The following CFAP221 variants were observed in gnomAD, a reference collection of about 807,000 sequenced individuals.
CFAP221 encodes the protein cilia and flagella associated protein 221, also known as cilia- and flagella-associated protein 221.
Under a neutral mutation model 113.1 loss-of-function variants are expected in CFAP221, and 97 were observed. The observed-to-expected ratio is 0.86, with a 90% CI of 0.73 to 1.02. The LOEUF (loss-of-function observed/expected upper bound fraction) is 1.02. CFAP221 is among the 50% of genes least tolerant of loss of function. The pLI, the probability that CFAP221 is intolerant of heterozygous loss-of-function variation, is 0.00. For synonymous variants in CFAP221, 331 were observed against 354.4 expected, an observed-to-expected ratio of 0.93 and a Z score of 0.74; for missense variants, 1,025 against 1,013.4, an observed-to-expected ratio of 1.01 and a Z score of -0.16.
In CFAP221 at chr2:119,605,243, A is replaced by G; in HGVS notation, c.1087A>G (p.Lys363Glu). The change falls in exon 11 of 24, where the codon AAA becomes GAA. Residue 363 changes from lysine (K) to glutamate (E), a missense_variant. Coordinates refer to ENST00000413369, the MANE Select transcript of CFAP221 (RefSeq NM_001271049.2). ...GATGAAGGAGGCACTCTTTGAACAGAAAGTCAGACAGGACATTCACGAAGA... is the reference window on the plus strand; with the variant it reads ...GATGAAGGAGGCACTCTTTGAACAGGAAGTCAGACAGGACATTCACGAAGA... ...RQMKEALFEQ[K>E]VRQDIHEEME... The G allele has an allele frequency of 6.2e-7, 1 of 1,614,236 alleles. No homozygotes were observed. Among genetic ancestry groups the G allele is most frequent in the Non-Finnish European group, 8.5e-7 (1 of 1,180,032 alleles).
rs570718788 is a variant in CFAP221 at position 119,611,729 on chromosome 2, G to A, written c.1298G>A (p.Arg433His). ...KTEVSHKRVV[R>H]NQEEKIKEFH... ...GAAGTTAGCCATAAACGGGTTGTTC[G>A]CAATCAAGAAGAGGTGGGTAACTTT... The change falls in exon 13 of 24, where the codon CGC becomes CAC. Residue 433 changes from arginine (R) to histidine (H), a missense_variant. Coordinates refer to ENST00000413369, the MANE Select transcript of CFAP221 (RefSeq NM_001271049.2). The A allele has an allele frequency of 9.3e-6, 15 of 1,612,100 alleles. No homozygotes were observed. Among genetic ancestry groups the A allele is most frequent in the South Asian group, 6.6e-5 (6 of 90,708 alleles).
chr2:119,560,733 A>G (rs889891859), intron 5 of CFAP221, among the ~76,000 whole-genome samples: 2 of 152,236 alleles, frequency 1.3e-5, no homozygotes, highest in Middle Eastern at 3.4e-3. Context: ...TTTTCAGGCA[A>G]ATTTCCTACA....
chr2:119,616,187 A>G (rs549627734), intron 14 of CFAP221, among the ~76,000 whole-genome samples: 2 of 152,362 alleles, frequency 1.3e-5, no homozygotes, highest in Non-Finnish European at 2.9e-5. Flanking sequence ...TACCATATCC[A>G]TCACTTTAAA....
intron 3 of CFAP221, among the ~76,000 whole-genome samples, chr2:119,553,263 T>C (rs1680556014): frequency 1.3e-5 from 2 of 152,060 alleles, no homozygotes; most frequent in African/African-American, 4.8e-5. Context: ...AGAAGGGATT[T>C]GGGGCCCAGA....
rs1388517164 is a variant in CFAP221, at chr2:119,559,674, C to T, written c.241-15C>T. 6 of 1,509,408 alleles carry T rather than the reference C, an allele frequency of 4.0e-6. No individual in the cohort carries two copies. The highest frequency in any genetic ancestry group is 5.3e-6 in the Non-Finnish European group (6 of 1,122,796). The allele number at this position is 1,509,408 out of a possible 1,614,324, so 93.5% of individuals were successfully genotyped here. A position where few individuals can be genotyped will look rare whatever the true frequency, so the allele number is the denominator to read the frequency against. On this transcript the variant is annotated splice_polypyrimidine_tract_variant and intron_variant, in intron 3 of 23. Transcript: ENST00000413369. ...AGCCGTGTATTTCCTCTAAATACTT[C>T]TTTTTCTCTCCCAGCATCTGGTCAA...
chr2:119,584,586 CAAAAA>C (rs901070546), intron 6 of CFAP221, among the ~76,000 whole-genome samples: 4 of 127,140 alleles, frequency 3.1e-5, no homozygotes, highest in Non-Finnish European at 5.1e-5. Flanking sequence ...GACTGTGTCT[CAAAAA>C]AAAAAAAGAA....
At position 119,601,374 on chromosome 2, in the gene CFAP221, T is replaced by TA; in HGVS notation, c.789dup (p.Pro264ThrfsTer6). On this transcript the variant is annotated frameshift_variant, in exon 8 of 24. Transcript: ENST00000413369. LOFTEE classifies it high-confidence loss of function. ...GGAACATGCTATCCCAACATGGCCT[T>TA]ACCGTATGGCGTCTTTGCAGTGTTT... 2 of 1,516,482 alleles carry TA rather than the reference T, an allele frequency of 1.3e-6. No individual in the cohort carries two copies. Among genetic ancestry groups the TA allele is most frequent in the Non-Finnish European group, 1.8e-6 (2 of 1,132,682 alleles). The allele number at this position is 1,516,482 out of a possible 1,614,324, so 93.9% of individuals were successfully genotyped here.
chr2:119,579,092 A>G (rs575488752), intron 6 of CFAP221, among the ~76,000 whole-genome samples: 1 of 152,276 alleles, frequency 6.6e-6, no homozygotes, highest in East Asian at 1.9e-4. Flanking sequence ...TAATTATTTT[A>G]AAGTACTTAA....
rs1491161387 is a variant in CFAP221 at position 119,606,170 on chromosome 2, A to ATT, written c.1133+894_1133+895dup. 7.3e-3 allele frequency among the ~76,000 whole-genome samples: 1,088 copies of ATT among 149,862 alleles called. 8 individuals are homozygous for ATT. The highest frequency in any genetic ancestry group is 0.025 in the African/African-American group (1,023 of 40,940). On this transcript the variant is annotated intron_variant, in intron 11 of 23. Coordinates refer to ENST00000413369, the MANE Select transcript of CFAP221 (RefSeq NM_001271049.2). ...AGGTGCGTGCCACCATGCCCAGCAAATTTTTTTTTTTTTTAGAGATGGGGT... is the reference window on the plus strand; with the variant it reads ...AGGTGCGTGCCACCATGCCCAGCAAATTTTTTTTTTTTTTTTAGAGATGGGGT...
chr2:119,585,678 G>T (rs532093370), intron 6 of CFAP221, among the ~76,000 whole-genome samples: 120 of 151,860 alleles, frequency 7.9e-4, no homozygotes, highest in Non-Finnish European at 1.1e-3. Flanking sequence ...AAATGTTTTG[G>T]GCATAATTTT....
At chr2:119,608,937 C>A (rs2104691034) in intron 12 of CFAP221, among the ~76,000 whole-genome samples, 1 of 152,288 alleles carries the variant, frequency 6.6e-6, no homozygotes, top group Middle Eastern at 3.4e-3. Flanking sequence ...GGTCCCCTGT[C>A]CCATGATCTA....
intron 19 of CFAP221, among the ~76,000 whole-genome samples, chr2:119,636,489 C>T (rs987672140): frequency 1.3e-5 from 2 of 152,152 alleles, no homozygotes; most frequent in Non-Finnish European, 2.9e-5. Context: ...ATGTAATCTT[C>T]AAAATAGGAA....
intron 12 of CFAP221, among the ~76,000 whole-genome samples, chr2:119,611,450 G>A (rs1453066285): frequency 2.7e-5 from 4 of 145,896 alleles, no homozygotes; most frequent in African/African-American, 7.5e-5. Context: ...AGGAGGTATC[G>A]AATCTGTGCT....
At chr2:119,600,089 A>T (rs1002413947) in intron 7 of CFAP221, among the ~76,000 whole-genome samples, 1 of 152,144 alleles carries the variant, frequency 6.6e-6, no homozygotes, top group Non-Finnish European at 1.5e-5. Context: ...CTAGAAAGCA[A>T]ACCTAAGAGC....
chr2:119,613,523 A>G (rs2104706069), intron 13 of CFAP221, among the ~76,000 whole-genome samples: 1 of 152,302 alleles, frequency 6.6e-6, no homozygotes, highest in South Asian at 2.1e-4. Flanking sequence ...CAGGCTCAAC[A>G]CCATGTGGAA....
chr2:119,570,454 A>G (rs932569430), intron 6 of CFAP221, among the ~76,000 whole-genome samples: 4 of 152,220 alleles, frequency 2.6e-5, no homozygotes, highest in African/African-American at 7.2e-5. Flanking sequence ...AGTATATGCA[A>G]CTATCACCAC....
chr2:119,620,848 A>G (rs1329344829), intron 14 of CFAP221, among the ~76,000 whole-genome samples: 1 of 152,110 alleles, frequency 6.6e-6, no homozygotes, highest in Non-Finnish European at 1.5e-5. Flanking sequence ...CAGGAGACCC[A>G]TCTCACATGC....
At chr2:119,638,093 T>C in intron 19 of CFAP221, 166 bp from the exon 20 acceptor site, 1 of 543,758 alleles carries the variant, frequency 1.8e-6, no homozygotes, top group Non-Finnish European at 3.0e-6. Context: ...CGCTGCCGAC[T>C]TGAAGACACC....
chr2:119,645,721 T>C (rs1049325562), intron 21 of CFAP221, among the ~76,000 whole-genome samples: 1 of 152,178 alleles, frequency 6.6e-6, no homozygotes, highest in Non-Finnish European at 1.5e-5. Flanking sequence ...TGCTTTCCAT[T>C]GCTGCCTCCT....
Sources: allele counts gnomAD v4.1 joint callset (sites outside exome capture counted in the v4.1 genomes callset), GRCh38; gene constraint gnomAD v4.1.1; transcripts MANE v1.5; gene names NCBI Gene and HGNC (gene_info 2026-07-23, HGNC 2026-07-21).